The following STK39 variants were observed in gnomAD, a reference collection of about 807,000 sequenced individuals.
STK39 encodes serine/threonine kinase 39.
STK39 carries 20 observed loss-of-function variants against 77.8 expected under a neutral mutation model. The observed-to-expected ratio is 0.26, with a 90% confidence interval of 0.18 to 0.37. STK39 has a LOEUF of 0.37. Ranked by LOEUF, STK39 falls within the 10% of genes least tolerant of loss-of-function variation. The probability of loss-of-function intolerance (pLI) is 1.00; values close to 1 mark genes in which losing one functional copy is unlikely to be tolerated. For synonymous variants in STK39, 246 were observed against 234.1 expected (o/e 1.05, Z -0.47); for missense variants, 479 against 656.5 (o/e 0.73, Z 2.95).
At chr2:168,121,304 G>T (rs1392869386) in intron 10 of STK39, among the ~76,000 whole-genome samples, 1 of 152,182 alleles carries the variant, frequency 6.6e-6, no homozygotes, top group African/African-American at 2.4e-5. Flanking sequence ...CTGTCTTCAA[G>T]AACAATTGTT....
chr2:168,190,841 C>A (rs1435641129), intron 1 of STK39, among the ~76,000 whole-genome samples: 1 of 152,178 alleles, frequency 6.6e-6, no homozygotes, highest in Admixed American at 6.5e-5. Flanking sequence ...TGAAAAACTT[C>A]CTGTTCTGCT....
chr2:168,064,739 C>A (rs971123548), intron 13 of STK39, among the ~76,000 whole-genome samples: 1 of 152,244 alleles, frequency 6.6e-6, no homozygotes, highest in Non-Finnish European at 1.5e-5. Context: ...GTTAATTATA[C>A]AGCAGAACCA....
rs764085860 is a variant in STK39 at position 168,210,030 on chromosome 2, AAAGGAAGGAAGG to A, written c.209-27952_209-27941del. 9.1e-3 allele frequency among the ~76,000 whole-genome samples: 1,002 copies of A among 110,094 alleles called. 18 individuals are homozygous for A. The highest frequency in any genetic ancestry group is 0.04 in the South Asian group (128 of 3,172). The allele number at this position is 110,094 out of a possible 152,430, so 72.2% of individuals were successfully genotyped here. ...AAAAAAAATAGGAAAGAAAGGAAAG[AAAGGAAGGAAGG>A]AAGGAAGGAAGGAAGGAAGGAAGGA... On this transcript the variant is annotated intron_variant, in intron 1 of 17. Transcript: ENST00000355999.
intron 10 of STK39, among the ~76,000 whole-genome samples, chr2:168,110,389 T>G (rs917483531): frequency 6.6e-6 from 1 of 152,058 alleles, no homozygotes; most frequent in African/African-American, 2.4e-5. Flanking sequence ...TATGCCACCA[T>G]GCCTGGCTAA....
intron 1 of STK39, among the ~76,000 whole-genome samples, chr2:168,242,945 T>C (rs1222906622): frequency 6.6e-6 from 1 of 151,426 alleles, no homozygotes; most frequent in Non-Finnish European, 1.5e-5. Context: ...CATTTTTCTA[T>C]TTATTAAAAA....
At chr2:168,075,628 T>C (rs914114801) in intron 10 of STK39, among the ~76,000 whole-genome samples, 12 of 151,846 alleles carry the variant, frequency 7.9e-5, no homozygotes, top group African/African-American at 1.2e-4. Context: ...TCCTGCTGAC[T>C]GAGCAAAGGC....
chr2:168,203,135 G>T (rs1451630653), intron 1 of STK39, among the ~76,000 whole-genome samples: 2 of 152,136 alleles, frequency 1.3e-5, no homozygotes, highest in Admixed American at 6.5e-5. Context: ...CCCAGGCGCA[G>T]TAACCAAAAA....
chr2:168,107,101 C>T (rs778508922), intron 10 of STK39, among the ~76,000 whole-genome samples: 6 of 152,184 alleles, frequency 3.9e-5, no homozygotes, highest in Non-Finnish European at 7.3e-5. Context: ...GCATTAATGG[C>T]ACTGCTTACA....
At chr2:167,986,726 A>T (rs1683569140) in intron 16 of STK39, among the ~76,000 whole-genome samples, 1 of 152,196 alleles carries the variant, frequency 6.6e-6, no homozygotes, top group Non-Finnish European at 1.5e-5. Flanking sequence ...AGAAAGGAAC[A>T]CCGTGAGGTC....
chr2:168,129,587 T>G lies in STK39; in HGVS notation c.1043A>C (p.Glu348Ala). The G allele has an allele frequency of 6.2e-7, 1 of 1,614,092 alleles. No individual in the cohort carries two copies. The highest frequency in any genetic ancestry group is 8.5e-7 in the Non-Finnish European group (1 of 1,179,956). ...GTCTGGTGTTCTTGTAAGCAGCTTC[T>G]CAATCAGGTACTCTCTGTTCTGCAA... ...QKAKNREYLI[E>A]KLLTRTPDIA... Residue 348 changes from glutamate (E) to alanine (A), a missense_variant, in exon 10 of 18, where the codon GAG (glutamate) becomes GCG (alanine). Physicochemically the swap from Glu to Ala is moderately radical, Grantham distance 107. Coordinates refer to ENST00000355999, the MANE Select transcript of STK39 (RefSeq NM_013233.3).
intron 10 of STK39, among the ~76,000 whole-genome samples, chr2:168,085,941 C>T (rs1686354747): frequency 6.6e-6 from 1 of 152,180 alleles, no homozygotes; most frequent in Non-Finnish European, 1.5e-5. Context: ...ATTCCAACTG[C>T]CTTCAGACCC....
intron 12 of STK39, among the ~76,000 whole-genome samples, chr2:168,071,061 T>C (rs1685928396): frequency 6.6e-6 from 1 of 152,064 alleles, no homozygotes; most frequent in Non-Finnish European, 1.5e-5. Flanking sequence ...TTCTACCTCA[T>C]ACTTCCTAGG....
At chr2:168,095,665 C>T (rs1470645145) in intron 10 of STK39, among the ~76,000 whole-genome samples, 2 of 130,108 alleles carry the variant, frequency 1.5e-5, no homozygotes, top group Admixed American at 9.4e-5. Flanking sequence ...CTTGCTCTGT[C>T]GCCCAGGCTG....
chr2:168,131,701 A>G lies in STK39; in HGVS notation c.975-1943T>C, dbSNP rs188141111. 3.3e-3 allele frequency among the ~76,000 whole-genome samples: 507 copies of G among 152,336 alleles called. 2 individuals carry two copies. Among genetic ancestry groups the G allele is most frequent in the Non-Finnish European group, 5.2e-3 (353 of 68,026 alleles). The stretch of plus-strand genomic sequence containing the variant: ...CCGTATCTACCTGCTAATTGCTTTG[A>G]GTAACTAAGGGTCTAAACAACAGGT... On this transcript the variant is annotated intron_variant, in intron 8 of 17. Transcript: ENST00000355999.
chr2:168,215,377 G>A (rs564237112), intron 1 of STK39, among the ~76,000 whole-genome samples: 5 of 152,254 alleles, frequency 3.3e-5, no homozygotes, highest in East Asian at 1.9e-4. Context: ...TGACCCTTCC[G>A]TAAGCCCCGT....
intron 1 of STK39, among the ~76,000 whole-genome samples, chr2:168,206,693 C>G (rs1460757590): frequency 6.6e-6 from 1 of 152,158 alleles, no homozygotes; most frequent in African/African-American, 2.4e-5. Flanking sequence ...ATAGTACATC[C>G]TTTAACATTT....
At chr2:168,090,933 C>T (rs770383580) in intron 10 of STK39, among the ~76,000 whole-genome samples, 4 of 152,100 alleles carry the variant, frequency 2.6e-5, no homozygotes, top group South Asian at 2.1e-4. Context: ...TGGTTCTAAA[C>T]GCCAAATAAT....
intron 16 of STK39, among the ~76,000 whole-genome samples, chr2:168,000,403 C>G (rs1437901143): frequency 6.6e-6 from 1 of 152,180 alleles, no homozygotes; most frequent in Non-Finnish European, 1.5e-5. Flanking sequence ...CTCCAGCAAG[C>G]CTACAGTGCC....
intron 5 of STK39, among the ~76,000 whole-genome samples, chr2:168,149,209 C>A (rs933036022): frequency 6.6e-6 from 1 of 152,178 alleles, no homozygotes; most frequent in African/African-American, 2.4e-5. Context: ...ACAGTACAGG[C>A]CCTTGCAGTG....
Sources: allele counts gnomAD v4.1 joint callset (sites outside exome capture counted in the v4.1 genomes callset), GRCh38; gene constraint gnomAD v4.1.1; transcripts MANE v1.5; gene names NCBI Gene and HGNC (gene_info 2026-07-23, HGNC 2026-07-21).